Variants in NOTUM observed in about 807,000 individuals in gnomAD.
The protein encoded by NOTUM is notum, palmitoleoyl-protein carboxylesterase.
In NOTUM, 36 loss-of-function variants were observed where a neutral mutation model predicts 65.5. The observed-to-expected ratio is 0.55, with a 90% CI of 0.42 to 0.73. The LOEUF (loss-of-function observed/expected upper bound fraction) is 0.73, where lower values mean the gene tolerates loss of function less well. Among genes scored for constraint, NOTUM ranks in the 30% least tolerant of loss-of-function variants. NOTUM has a pLI of 0.00. For synonymous variants in NOTUM, 356 were observed against 297.9 expected, an observed-to-expected ratio of 1.20 and a Z score of -2.01; for missense variants, 659 against 694.2, an observed-to-expected ratio of 0.95 and a Z score of 0.57.
In NOTUM at chr17:81,960,944, A is replaced by AGGCGGC. The variant is rs752697929; in HGVS notation, c.-41_-36dup. On this transcript the variant is annotated 5_prime_UTR_variant, in exon 1 of 11. Coordinates refer to ENST00000409678, the MANE Select transcript of NOTUM (RefSeq NM_178493.6). This position sits in a 1 kb window ranked among gnomAD's most constrained non-coding sequence, Gnocchi z 6.4. Reference sequence around the variant, plus strand: ...CACCTGCGGGGAGCGGGCGGCCTTGAGGCGGCGGCGGCGGCGGCGGGGGAT... The same window carrying AGGCGGC: ...CACCTGCGGGGAGCGGGCGGCCTTGAGGCGGCGGCGGCGGCGGCGGCGGCGGGGGAT... 2.4e-4 allele frequency: 287 copies of AGGCGGC among 1,171,612 alleles called. 1 individual carries two copies. The highest frequency in any genetic ancestry group is 1.7e-3 in the Middle Eastern group (5 of 2,922). 72.6% of individuals were successfully genotyped at this position (1,171,612 alleles called of 1,614,324 possible). A position where few individuals can be genotyped will look rare whatever the true frequency, so the allele number is the denominator to read the frequency against.
intron 10 of NOTUM, 67 bp downstream of exon 10, chr17:81,954,171 ATGGGAGGCCAAGTGCGGT>A: frequency 1.0e-6 from 1 of 963,444 alleles, no homozygotes; most frequent in East Asian, 2.4e-5. Flanking sequence ...GAAGAGGCCC[ATGGGAGGCCAAGTGCGGT>A]TGGGGAGCAT....
chr17:81,959,628 C>T lies in NOTUM; in HGVS notation c.376+12G>A, dbSNP rs1238388664. 6.1e-5 allele frequency: 95 copies of T among 1,545,276 alleles called. No homozygotes were observed. Among genetic ancestry groups the T allele is most frequent in the Non-Finnish European group, 7.5e-5 (86 of 1,145,134 alleles). On this transcript the variant is annotated intron_variant, in intron 2 of 10. Transcript: ENST00000409678. ...GACCCCCGGCCTCCCCCCGCCTCAG[C>T]CCTGGACGCACCTTCCAGGAAGAGG...
intron 9 of NOTUM, 124 bp downstream of exon 9, chr17:81,955,273 G>A (rs752822767): frequency 4.4e-5 from 38 of 862,502 alleles, no homozygotes; most frequent in African/African-American, 3.8e-4. Flanking sequence ...GAGTCACTGC[G>A]CCCGGCCTAC....
At chr17:81,955,841 C>G (rs2041429100) in intron 8 of NOTUM, among the ~76,000 whole-genome samples, 2 of 132,916 alleles carry the variant, frequency 1.5e-5, no homozygotes, top group South Asian at 5.4e-4. Context: ...ATCCCAGGCT[C>G]AGAGCTCAGC....
rs1405531528 is a variant in NOTUM at position 81,960,424 on chromosome 17, C to A, written c.323+163G>T. 6.6e-6 allele frequency among the ~76,000 whole-genome samples: 1 copy of A among 152,202 alleles called. No homozygotes were observed. The highest frequency in any genetic ancestry group is 1.5e-5 in the Non-Finnish European group (1 of 68,030). ...CCTTCCAGCGCCGCTCCGCTCCCCA[C>A]GCGGAGAGTCACCGAACCGGGCACT... On this transcript the variant is annotated intron_variant, in intron 1 of 10. Transcript: ENST00000409678. The surrounding 1 kb of genome is among the most constrained non-coding windows in gnomAD (Gnocchi z 6.4).
rs1325389510 is a variant in NOTUM, at chr17:81,959,452, C to T, written c.472+19G>A. 1.3e-6 allele frequency: 2 copies of T among 1,537,570 alleles called. No homozygotes were observed. The highest frequency in any genetic ancestry group is 1.2e-5 in the South Asian group (1 of 83,770). ...CCGGGCCTCACGTCGAGACGCCTTC[C>T]CCAGGGCCCGCCGCTGACCTGTGCG... On this transcript the variant is annotated intron_variant, in intron 3 of 10. Coordinates refer to ENST00000409678, the MANE Select transcript of NOTUM (RefSeq NM_178493.6).
chr17:81,952,916 G>T lies in NOTUM; in HGVS notation c.*45C>A. The T allele has an allele frequency of 6.5e-7, 1 of 1,548,248 alleles. No individual in the cohort carries two copies. Among genetic ancestry groups the T allele is most frequent in the East Asian group, 2.3e-5 (1 of 44,384 alleles). ...GGGGTGAGGTGGCACTGGGGCAGCGGGTGTCTGGGCCCCTCAGTGCCGGCT... is the reference window on the plus strand; with the variant it reads ...GGGGTGAGGTGGCACTGGGGCAGCGTGTGTCTGGGCCCCTCAGTGCCGGCT... On this transcript the variant is annotated 3_prime_UTR_variant, in exon 11 of 11. Coordinates refer to ENST00000409678, the MANE Select transcript of NOTUM (RefSeq NM_178493.6).
chr17:81,956,747 G>A lies in NOTUM; in HGVS notation c.891C>T (p.Tyr297=), dbSNP rs151285733. The A allele has an allele frequency of 4.4e-3, 7,085 of 1,612,034 alleles. 23 individuals carry two copies. The highest frequency in any genetic ancestry group is 5.5e-3 in the Non-Finnish European group (6,513 of 1,179,438). Residue 297 remains tyrosine, a synonymous_variant, in exon 8 of 11, where the codon TAC becomes TAT. Transcript: ENST00000409678. The part of the protein sequence containing the change: ...PTEAIRRGIR[Y]WNGVVPERCR... ...AGCGCTCCGGGACCACCCCGTTCCA[G>A]TACCTGGAGCCACAGCCACAGGTTA...
rs779658269 is a variant in NOTUM, at chr17:81,960,600, C to G, written c.310G>C (p.Gly104Arg). ...LLNTSVTCND[G>R]SPAGYYLKES... ...CGCGGGCCTTACCCGGCGGGGCTGC[C>G]GTCGTTGCAGGTCACCGAGGTGTTG... Residue 104 changes from glycine (G) to arginine (R), a missense_variant, in exon 1 of 11, where the codon GGC becomes CGC. Physicochemically the swap from Gly to Arg is moderately radical, Grantham distance 125. Transcript: ENST00000409678. This position sits in a 1 kb window ranked among gnomAD's most constrained non-coding sequence, Gnocchi z 6.4. 37 of 1,508,152 alleles carry G rather than the reference C, an allele frequency of 2.5e-5. No homozygotes were observed. The highest frequency in any genetic ancestry group is 2.5e-5 in the South Asian group (2 of 81,564). The allele number at this position is 1,508,152 out of a possible 1,614,324, so 93.4% of individuals were successfully genotyped here. A position where few individuals can be genotyped will look rare whatever the true frequency, so the allele number is the denominator to read the frequency against.
intron 4 of NOTUM, among the ~76,000 whole-genome samples, chr17:81,958,603 A>G (rs567250153): frequency 1.3e-5 from 2 of 150,922 alleles, no homozygotes; most frequent in African/African-American, 2.5e-5. Flanking sequence ...TTTCCAGGAA[A>G]GACCAACTCA....
rs1366669002 is a variant in NOTUM, at chr17:81,958,907, TCCCAGGCAAGA to T, written c.533+17_533+27del. 7 of 1,587,680 alleles carry T rather than the reference TCCCAGGCAAGA, an allele frequency of 4.4e-6. No homozygotes were observed. Among genetic ancestry groups the T allele is most frequent in the African/African-American group, 1.3e-5 (1 of 74,470 alleles). On this transcript the variant is annotated intron_variant, in intron 4 of 10. Transcript: ENST00000409678. ...GGAAGAACCACCCTCCAGGCAGGAC[TCCCAGGCAAGA>T]CCCTGTGCCCCCTTACACCATGTTT... is the stretch of plus-strand genomic sequence containing the variant.
At position 81,959,741 on chromosome 17, in the gene NOTUM, C is replaced by A. The variant is rs1408470540; in HGVS notation, c.324-49G>T. 1.4e-5 allele frequency: 16 copies of A among 1,150,090 alleles called. No individual in the cohort carries two copies. In the South Asian group the frequency reaches 3.9e-4, roughly 28 times the overall value. The allele number at this position is 1,150,090 out of a possible 1,614,324, so 71.2% of individuals were successfully genotyped here. A position where few individuals can be genotyped will look rare whatever the true frequency, so the allele number is the denominator to read the frequency against. ...GGGGTCGGCCAGGGCTGCCGACCCG[C>A]CGCGCCCCGCGCGCCCAGCTCCGGC... On this transcript the variant is annotated intron_variant, in intron 1 of 10. Coordinates refer to ENST00000409678, the MANE Select transcript of NOTUM (RefSeq NM_178493.6).
In NOTUM at chr17:81,953,068, T is replaced by TC. The variant is rs1210370858; in HGVS notation, c.1383dup (p.Asn462GlufsTer26). The TC allele has an allele frequency of 1.9e-6, 3 of 1,613,854 alleles. No individual in the cohort carries two copies. The South Asian group carries it at 3.3e-5, about 18-fold the overall frequency. ...ATGTGCATGAGGAACTGGGCCACGT[T>TC]CATCTCTTGCCCCGTGAACTGGTCT... is the stretch of plus-strand genomic sequence containing the variant. On this transcript the variant is annotated frameshift_variant, in exon 11 of 11. Coordinates refer to ENST00000409678, the MANE Select transcript of NOTUM (RefSeq NM_178493.6). LOFTEE classifies it high-confidence loss of function.
chr17:81,960,449 T>TCCTCGGGGCCAGGA lies in NOTUM; in HGVS notation c.323+124_323+137dup. ...CGCGGAGAGTCACCGAACCGGGCAC[T>TCCTCGGGGCCAGGA]CCTCGGGGCCAGGACCGCGGGGCGC... On this transcript the variant is annotated intron_variant, in intron 1 of 10. Transcript: ENST00000409678. The surrounding 1 kb of genome is among the most constrained non-coding windows in gnomAD (Gnocchi z 6.4). The TCCTCGGGGCCAGGA allele has an allele frequency of 1.8e-6, 1 of 566,796 alleles. No individual in the cohort carries two copies. The highest frequency in any genetic ancestry group is 3.6e-5 in the Admixed American group (1 of 27,856). 35.1% of individuals were successfully genotyped at this position (566,796 alleles called of 1,614,324 possible).
At chr17:81,953,370 AC>A in intron 10 of NOTUM, 103 bp from the exon 11 acceptor site, 1 of 717,198 alleles carries the variant, frequency 1.4e-6, no homozygotes, top group Non-Finnish European at 2.3e-6. Context: ...ATCTCGGCTC[AC>A]TGCAGCCTCC....
Position 81,952,838 on chromosome 17 carries a change from CAG to C in NOTUM, c.*121_*122del, listed in dbSNP as rs1236776326. The C allele has an allele frequency of 9.7e-5, 84 of 870,316 alleles. No homozygotes were observed. Among genetic ancestry groups the C allele is most frequent in the Middle Eastern group, 2.9e-4 (1 of 3,394 alleles). The allele number at this position is 870,316 out of a possible 1,614,324, so 53.9% of individuals were successfully genotyped here. On this transcript the variant is annotated 3_prime_UTR_variant, in exon 11 of 11. Coordinates refer to ENST00000409678, the MANE Select transcript of NOTUM (RefSeq NM_178493.6). ...CAGGAGGGCAGTGGGCAGACCCAGACAGGGGGGACGGCTGGGGCCCTGTCCCG... is the reference window on the plus strand; with the variant it reads ...CAGGAGGGCAGTGGGCAGACCCAGACGGGGGACGGCTGGGGCCCTGTCCCG...
chr17:81,959,340 G>T, intron 3 of NOTUM, 131 bp downstream of exon 3: 3 of 698,490 alleles, frequency 4.3e-6, no homozygotes, highest in Admixed American at 2.7e-5. Context: ...GGCGCCCCTT[G>T]CTCTTAGTAA....
chr17:81,954,364 C>G (rs1053133061), intron 9 of NOTUM, 61 bp from the exon 10 acceptor site: 4 of 1,260,958 alleles, frequency 3.2e-6, no homozygotes, highest in Non-Finnish European at 4.6e-6. Context: ...TTTCCACCCC[C>G]ACTCCCCTAG....
intron 9 of NOTUM, 146 bp downstream of exon 9, chr17:81,955,251 G>A: frequency 4.2e-6 from 3 of 714,562 alleles, no homozygotes; most frequent in Non-Finnish European, 6.8e-6. Context: ...AAAGTGCTGG[G>A]ATTATAGGTG....
Sources: gnomAD v4.1 joint callset for allele counts (sites outside exome capture counted in the v4.1 genomes callset) on GRCh38, gnomAD v4.1.1 for gene constraint, Gnocchi (gnomAD v3.1) non-coding constraint, MANE v1.5 for transcripts, NCBI Gene and HGNC (gene_info 2026-07-23, HGNC 2026-07-21) for gene names.